The following PBX3 variants were observed in gnomAD, a reference collection of about 807,000 sequenced individuals.
PBX3 encodes the protein PBX homeobox 3.
PBX3 carries 14 observed loss-of-function variants against 48.5 expected under a neutral mutation model. The ratio of observed to expected loss-of-function variants is 0.29; its 90% CI spans 0.19 to 0.45. The LOEUF (loss-of-function observed/expected upper bound fraction) is 0.45, where lower values mean the gene tolerates loss of function less well. Among genes scored for constraint, PBX3 ranks in the 20% least tolerant of loss-of-function variants. The pLI is 1.00. For synonymous variants in PBX3, 210 were observed against 200.3 expected (o/e 1.05, Z -0.41); for missense variants, 386 against 546.7 (o/e 0.71, Z 2.93).
At chr9:125,814,947 AT>A (rs1838414595) in intron 2 of PBX3, among the ~76,000 whole-genome samples, 1 of 152,176 alleles carries the variant, frequency 6.6e-6, no homozygotes, top group Non-Finnish European at 1.5e-5. Context: ...AGCCTGAAGG[AT>A]TAGGGAATTA....
rs1564140404 is a variant in PBX3, at chr9:125,854,214, C to T, written c.275-61472C>T. Among the ~76,000 whole-genome samples the T allele has an allele frequency of 3.9e-5, 6 of 152,192 alleles. No individual in the cohort carries two copies. In the South Asian group the frequency reaches 1.2e-3, roughly 32 times the overall value. On this transcript the variant is annotated intron_variant, in intron 2 of 8. Transcript: ENST00000373489. Reference sequence around the variant, plus strand: ...TGGTGTCATCTTGGCTCACTGCACCCCCAACCTCCTAGGCTCAAGTGATCC... The same window carrying T: ...TGGTGTCATCTTGGCTCACTGCACCTCCAACCTCCTAGGCTCAAGTGATCC...
chr9:125,944,983 G>C (rs1169025209), intron 5 of PBX3, among the ~76,000 whole-genome samples: 1 of 152,180 alleles, frequency 6.6e-6, no homozygotes, highest in Non-Finnish European at 1.5e-5. Flanking sequence ...AGCACTTTGG[G>C]AAGCTGAGGC....
At chr9:125,817,164 A>C (rs998586137) in intron 2 of PBX3, among the ~76,000 whole-genome samples, 3 of 152,214 alleles carry the variant, frequency 2.0e-5, no homozygotes. Flanking sequence ...TGGTCTGTAA[A>C]GGCTACCTAT....
intron 2 of PBX3, among the ~76,000 whole-genome samples, chr9:125,749,854 T>A (rs541148143): frequency 1.3e-4 from 20 of 152,352 alleles, no homozygotes; most frequent in African/African-American, 4.1e-4. Flanking sequence ...GTCTATTAAA[T>A]ATATATGCTA....
At chr9:125,793,366 A>G (rs866063214) in intron 2 of PBX3, among the ~76,000 whole-genome samples, 1 of 101,976 alleles carries the variant, frequency 9.8e-6, no homozygotes, top group Non-Finnish European at 1.8e-5. Flanking sequence ...GGAAAAAAAA[A>G]ATATATATAT....
intron 5 of PBX3, among the ~76,000 whole-genome samples, chr9:125,944,835 C>T (rs749099015): frequency 6.6e-6 from 1 of 152,060 alleles, no homozygotes; most frequent in Non-Finnish European, 1.5e-5. Flanking sequence ...GAACTAAAAC[C>T]CCAACTCCTC....
intron 2 of PBX3, among the ~76,000 whole-genome samples, chr9:125,879,822 A>G (rs1048525384): frequency 6.6e-6 from 1 of 152,148 alleles, no homozygotes; most frequent in African/African-American, 2.4e-5. Flanking sequence ...ATTATTTCCA[A>G]ATATGCTTTT....
At chr9:125,781,896 A>G (rs1837329713) in intron 2 of PBX3, among the ~76,000 whole-genome samples, 1 of 151,822 alleles carries the variant, frequency 6.6e-6, no homozygotes, top group Non-Finnish European at 1.5e-5. Context: ...TATTTTCCTA[A>G]GTATGTCCTA....
chr9:125,806,584 G>C (rs1425430031), intron 2 of PBX3, among the ~76,000 whole-genome samples: 1 of 152,160 alleles, frequency 6.6e-6, no homozygotes, highest in Admixed American at 6.5e-5. Flanking sequence ...TGATGGCAGA[G>C]CCTGTGTGGC....
intron 2 of PBX3, among the ~76,000 whole-genome samples, chr9:125,873,777 C>G (rs750725833): frequency 2.3e-4 from 35 of 151,836 alleles, no homozygotes; most frequent in Admixed American, 4.6e-4. Context: ...CCAATAGAAC[C>G]TAAAAGAACA....
chr9:125,827,699 G>A (rs1034633359), intron 2 of PBX3, among the ~76,000 whole-genome samples: 9 of 152,150 alleles, frequency 5.9e-5, no homozygotes, highest in South Asian at 4.2e-4. Context: ...GTATTCTACC[G>A]TGCAGATGAA....
chr9:125,822,277 C>T (rs940220698), intron 2 of PBX3, among the ~76,000 whole-genome samples: 1 of 152,094 alleles, frequency 6.6e-6, no homozygotes, highest in Non-Finnish European at 1.5e-5. Context: ...TTTTTAACCT[C>T]AGCATATACA....
At chr9:125,776,718 A>G (rs1837081841) in intron 2 of PBX3, among the ~76,000 whole-genome samples, 1 of 150,638 alleles carries the variant, frequency 6.6e-6, no homozygotes, top group Non-Finnish European at 1.5e-5. Context: ...TTTTTTTTGT[A>G]TTTTTTGTAG....
intron 2 of PBX3, among the ~76,000 whole-genome samples, chr9:125,765,773 G>A (rs933009826): frequency 2.0e-5 from 3 of 152,062 alleles, no homozygotes; most frequent in Non-Finnish European, 4.4e-5. Context: ...TAACTCATGC[G>A]GGGTGTGCAG....
intron 2 of PBX3, among the ~76,000 whole-genome samples, chr9:125,865,805 A>G (rs1839965241): frequency 6.6e-6 from 1 of 152,200 alleles, no homozygotes; most frequent in South Asian, 2.1e-4. Context: ...CTGTAGAAGA[A>G]TATGAAATTG....
intron 2 of PBX3, among the ~76,000 whole-genome samples, chr9:125,842,522 A>G (rs1839315937): frequency 1.3e-5 from 2 of 152,180 alleles, no homozygotes; most frequent in Admixed American, 6.6e-5. Context: ...CTTCAGTTAA[A>G]AAAATGTTTT....
At chr9:125,870,441 T>C (rs1217546111) in intron 2 of PBX3, among the ~76,000 whole-genome samples, 2 of 152,072 alleles carry the variant, frequency 1.3e-5, no homozygotes, top group African/African-American at 4.8e-5. Context: ...AACCATCATA[T>C]CAGGCTGGGT....
intron 3 of PBX3, among the ~76,000 whole-genome samples, chr9:125,924,286 A>G (rs1841521892): frequency 6.6e-6 from 1 of 152,094 alleles, no homozygotes; most frequent in Non-Finnish European, 1.5e-5. Flanking sequence ...ATTTTTGCAA[A>G]CTCACTATGG....
chr9:125,815,904 G>A (rs1215697092), intron 2 of PBX3, among the ~76,000 whole-genome samples: 1 of 152,112 alleles, frequency 6.6e-6, no homozygotes, highest in African/African-American at 2.4e-5. Flanking sequence ...ACTTGTCATT[G>A]TGGTGTCTCA....
Sources: allele counts gnomAD v4.1 joint callset (sites outside exome capture counted in the v4.1 genomes callset), GRCh38; gene constraint gnomAD v4.1.1; transcripts MANE v1.5; gene names NCBI Gene and HGNC (gene_info 2026-07-23, HGNC 2026-07-21).